The following APP variants were observed in gnomAD, a reference collection of about 807,000 sequenced individuals.
APP encodes the protein amyloid-beta precursor protein.
Under a neutral mutation model 101.4 loss-of-function variants are expected in APP, and 31 were observed. The ratio of observed to expected loss-of-function variants is 0.31; its 90% CI spans 0.23 to 0.41. The LOEUF (loss-of-function observed/expected upper bound fraction) is 0.41. APP is among the 10% of genes least tolerant of loss of function. The pLI is 1.00. For synonymous variants in APP, 366 were observed against 364.4 expected, an observed-to-expected ratio of 1.00 and a Z score of -0.05; for missense variants, 839 against 1,003.7, an observed-to-expected ratio of 0.84 and a Z score of 2.22.
chr21:25,887,752 A>G (rs1182029532), intron 17 of APP, among the ~76,000 whole-genome samples: 1 of 152,138 alleles, frequency 6.6e-6, no homozygotes, highest in African/African-American at 2.4e-5. Flanking sequence ...CAGTGCAGCA[A>G]TATGCTGCAC....
intron 7 of APP, among the ~76,000 whole-genome samples, chr21:25,999,028 C>T (rs576370078): frequency 2.1e-4 from 32 of 152,278 alleles, no homozygotes; most frequent in African/African-American, 5.8e-4. Flanking sequence ...CAGTGGCTCA[C>T]GCCTGTAATC....
chr21:25,974,528 A>G (rs956268226), intron 11 of APP, among the ~76,000 whole-genome samples: 21 of 152,218 alleles, frequency 1.4e-4, no homozygotes, highest in African/African-American at 5.1e-4. Flanking sequence ...AATACAAACA[A>G]AAACAAAAAT....
intron 3 of APP, among the ~76,000 whole-genome samples, chr21:26,086,709 CAT>C (rs1381797762): frequency 2.0e-5 from 3 of 152,130 alleles, no homozygotes; most frequent in African/African-American, 7.2e-5. Flanking sequence ...AAGTAGAAAA[CAT>C]ATCACATGGA....
At chr21:26,023,471 T>C (rs1303025081) in intron 5 of APP, among the ~76,000 whole-genome samples, 1 of 150,978 alleles carries the variant, frequency 6.6e-6, no homozygotes, top group Non-Finnish European at 1.5e-5. Context: ...GCCCAGGAGT[T>C]CGAGGCTGCT....
intron 5 of APP, among the ~76,000 whole-genome samples, chr21:26,041,948 AG>A (rs11319719): frequency 1 from 152,192 of 152,192 alleles, 76,096 homozygotes; most frequent in Non-Finnish European, 1. Flanking sequence ...ATTTCAGTAT[AG>A]ACAGTCAGAA....
At chr21:25,933,111 T>G (rs1160009029) in intron 13 of APP, among the ~76,000 whole-genome samples, 2 of 152,228 alleles carry the variant, frequency 1.3e-5, no homozygotes, top group African/African-American at 4.8e-5. Flanking sequence ...CTTTTCTTTT[T>G]GCTTTGAGGA....
In APP at chr21:26,112,071, T is replaced by C; in HGVS notation, c.133A>G (p.Met45Val). Residue 45 changes from methionine (M) to valine (V), a missense_variant, in exon 2 of 18, where the codon ATG becomes GTG. Met to Val is a conservative substitution (Grantham distance 21). Transcript: ENST00000346798. ...TCCCACTTCCCATTCTGGACATTCATGTGCATGTTCAGTCTGCCACAGAAC... is the reference window on the plus strand; with the variant it reads ...TCCCACTTCCCATTCTGGACATTCACGTGCATGTTCAGTCTGCCACAGAAC... ...AMFCGRLNMH[M>V]NVQNGKWDSD... 1 of 1,614,140 alleles carries C rather than the reference T, an allele frequency of 6.2e-7. No homozygotes were observed. Among genetic ancestry groups the C allele is most frequent in the Non-Finnish European group, 8.5e-7 (1 of 1,180,008 alleles).
At chr21:26,003,851 C>T (rs1043549766) in intron 6 of APP, among the ~76,000 whole-genome samples, 11 of 152,200 alleles carry the variant, frequency 7.2e-5, no homozygotes, top group African/African-American at 2.7e-4. Flanking sequence ...AGAACAGCAA[C>T]TTCCTACAGC....
intron 13 of APP, among the ~76,000 whole-genome samples, chr21:25,914,063 T>A (rs1346081101): frequency 6.6e-6 from 1 of 152,096 alleles, no homozygotes; most frequent in Non-Finnish European, 1.5e-5. Flanking sequence ...GGTCCCTGGC[T>A]TTCCCTTCCA....
intron 17 of APP, among the ~76,000 whole-genome samples, chr21:25,888,248 G>A (rs1261490902): frequency 2.0e-5 from 3 of 152,108 alleles, no homozygotes; most frequent in African/African-American, 7.2e-5. Flanking sequence ...TGCCTGTTAA[G>A]GTAGGAAGAG....
At chr21:26,033,589 T>C (rs1437285379) in intron 5 of APP, among the ~76,000 whole-genome samples, 2 of 152,184 alleles carry the variant, frequency 1.3e-5, no homozygotes, top group Non-Finnish European at 1.5e-5. Flanking sequence ...CTCTGCTCTT[T>C]TATGAAGGGC....
At position 26,136,169 on chromosome 21, in the gene APP, AAAAGAAAG is replaced by A. The variant is rs138676290; in HGVS notation, c.58-24031_58-24024del. On this transcript the variant is annotated intron_variant, in intron 1 of 17. Transcript: ENST00000346798. Reference sequence around the variant, plus strand: ...GAAAAGAAAAGAAAAGAAAAGAAAGAAAAGAAAGAAAGAAAGAAAGAAAGAAAGAAAGA... The same window carrying A: ...GAAAAGAAAAGAAAAGAAAAGAAAGAAAAGAAAGAAAGAAAGAAAGAAAGA... Among the ~76,000 whole-genome samples the A allele has an allele frequency of 4.9e-3, 451 of 92,014 alleles. 29 individuals carry two copies. Among genetic ancestry groups the A allele is most frequent in the Middle Eastern group, 8.7e-3 (2 of 230 alleles). 60.4% of individuals were successfully genotyped at this position (92,014 alleles called of 152,430 possible). A position where few individuals can be genotyped will look rare whatever the true frequency, so the allele number is the denominator to read the frequency against.
chr21:26,135,706 T>C (rs1261716992), intron 1 of APP, among the ~76,000 whole-genome samples: 1 of 152,158 alleles, frequency 6.6e-6, no homozygotes, highest in African/African-American at 2.4e-5. Flanking sequence ...AGGGCATGTG[T>C]CCTACCTGCC....
intron 6 of APP, among the ~76,000 whole-genome samples, chr21:26,020,331 C>T (rs1486225844): frequency 2.6e-5 from 4 of 152,006 alleles, no homozygotes; most frequent in African/African-American, 2.4e-5. Flanking sequence ...ACTGGAGTGA[C>T]GAAAATGTTC....
chr21:26,069,399 A>G (rs773051776), intron 3 of APP, among the ~76,000 whole-genome samples: 5 of 152,070 alleles, frequency 3.3e-5, no homozygotes, highest in Non-Finnish European at 7.4e-5. Flanking sequence ...TCCATCCACT[A>G]CAGCTTGTTC....
At chr21:26,137,253 C>T (rs184838900) in intron 1 of APP, among the ~76,000 whole-genome samples, 105 of 152,238 alleles carry the variant, frequency 6.9e-4, no homozygotes, top group Non-Finnish European at 5.7e-4. Context: ...GTTTTCAAAC[C>T]GTATTTGAAG....
rs1189893361 is a variant in APP at position 26,140,146 on chromosome 21, CACTT to C, written c.58-28004_58-28001del. On this transcript the variant is annotated intron_variant, in intron 1 of 17. Transcript: ENST00000346798. ...AAAACAATGCCAACTTCACAGTACT[CACTT>C]ACATAGTTGATAAACAGAACCAACA... 1.1e-5 allele frequency: 16 copies of C among 1,519,338 alleles called. No homozygotes were observed. The highest frequency in any genetic ancestry group is 3.3e-4 in the Middle Eastern group (2 of 5,974). The allele number at this position is 1,519,338 out of a possible 1,614,324, so 94.1% of individuals were successfully genotyped here.
chr21:26,160,710 A>G (rs1245977875), intron 1 of APP, among the ~76,000 whole-genome samples: 4 of 152,178 alleles, frequency 2.6e-5, no homozygotes, highest in African/African-American at 9.7e-5. Context: ...TTTTCATGCC[A>G]CTAAATTTAA....
chr21:26,034,136 G>A (rs1363552793), intron 5 of APP, among the ~76,000 whole-genome samples: 1 of 152,120 alleles, frequency 6.6e-6, no homozygotes, highest in African/African-American at 2.4e-5. Context: ...TAGACCAGAT[G>A]CCCACTCACT....
Sources: gnomAD v4.1 joint callset for allele counts (sites outside exome capture counted in the v4.1 genomes callset) on GRCh38, gnomAD v4.1.1 for gene constraint, MANE v1.5 for transcripts, NCBI Gene and HGNC (gene_info 2026-07-23, HGNC 2026-07-21) for gene names.